The following SRGAP2 variants were observed in gnomAD, a reference collection of about 807,000 sequenced individuals.
The protein encoded by SRGAP2 is SLIT-ROBO Rho GTPase-activating protein 2.
In SRGAP2, 15 loss-of-function variants were observed where a neutral mutation model predicts 57.2. The ratio of observed to expected loss-of-function variants is 0.26; its 90% CI spans 0.18 to 0.40. SRGAP2 has a LOEUF of 0.40. SRGAP2 is among the 10% of genes least tolerant of loss of function. SRGAP2 has a pLI of 1.00. For missense variants in SRGAP2, 520 were observed against 669.6 expected (o/e 0.78, Z 2.47); for synonymous variants, 249 against 248.0 (o/e 1.00, Z -0.04).
intron 2 of SRGAP2, among the ~76,000 whole-genome samples, chr1:206,230,244 C>G (rs1215087933): frequency 1.3e-5 from 2 of 149,254 alleles, no homozygotes; most frequent in Non-Finnish European, 3.0e-5. Context: ...AATAGGTTTC[C>G]TTTAGATCGA....
intron 2 of SRGAP2, among the ~76,000 whole-genome samples, chr1:206,286,770 G>A (rs1328078172): frequency 1.3e-5 from 2 of 150,298 alleles, no homozygotes; most frequent in Non-Finnish European, 3.0e-5. Context: ...TGCTTCCAGC[G>A]AAGGGAAGCA....
rs568423799 is a variant in SRGAP2, at chr1:206,408,684, C to CA, written c.1356+2111dup. 1.1e-3 allele frequency among the ~76,000 whole-genome samples: 158 copies of CA among 149,318 alleles called. 2 individuals are homozygous for CA. The East Asian group carries it at 0.023, about 22-fold the overall frequency. Reference sequence around the variant, plus strand: ...GACCTAAAAATCTTGCATTTTAAGACAGTCTTTGTCAGAATTACTTTTTGG... The same window carrying CA: ...GACCTAAAAATCTTGCATTTTAAGACAAGTCTTTGTCAGAATTACTTTTTGG... On this transcript the variant is annotated intron_variant, in intron 10 of 22. Coordinates refer to ENST00000573034, the MANE Select transcript of SRGAP2 (RefSeq NM_015326.5).
intron 2 of SRGAP2, among the ~76,000 whole-genome samples, chr1:206,272,821 C>A (rs1428072048): frequency 5.9e-5 from 9 of 152,194 alleles, no homozygotes; most frequent in African/African-American, 1.9e-4. Flanking sequence ...TTCATTCATT[C>A]TTTCTCTTTC....
intron 2 of SRGAP2, among the ~76,000 whole-genome samples, chr1:206,245,203 C>G (rs1170241238): frequency 2.1e-5 from 3 of 140,236 alleles, no homozygotes; most frequent in Admixed American, 2.1e-4. Flanking sequence ...TGAAGTTTTC[C>G]TACTAGGAAC....
intron 14 of SRGAP2, among the ~76,000 whole-genome samples, chr1:206,431,007 G>A (rs1553368173): frequency 6.6e-6 from 1 of 152,178 alleles, no homozygotes; most frequent in African/African-American, 2.4e-5. Flanking sequence ...ATAGGAAAAG[G>A]GGCAGAGTGA....
intron 20 of SRGAP2, chr1:206,453,608 A>G (rs1663540466): frequency 1.3e-5 from 4 of 313,900 alleles, no homozygotes; most frequent in Non-Finnish European, 2.3e-5. Context: ...CCCCCTGCAA[A>G]TCACCCCCTA....
chr1:206,303,096 A>G (rs1237313771), intron 2 of SRGAP2, among the ~76,000 whole-genome samples, 185 bp from the exon 3 acceptor site: 1 of 123,926 alleles, frequency 8.1e-6, no homozygotes, highest in Non-Finnish European at 1.6e-5. Flanking sequence ...ATGGTGTAAA[A>G]AGGGTTGGCA....
intron 2 of SRGAP2, among the ~76,000 whole-genome samples, chr1:206,241,145 C>T (rs563813292): frequency 6.6e-6 from 1 of 152,272 alleles, no homozygotes; most frequent in East Asian, 1.9e-4. Flanking sequence ...AATCATGCCT[C>T]TACACTCTGG....
At chr1:206,416,400 A>G (rs1393274425) in intron 11 of SRGAP2, among the ~76,000 whole-genome samples, 3 of 152,202 alleles carry the variant, frequency 2.0e-5, no homozygotes, top group African/African-American at 7.2e-5. Flanking sequence ...GAGAATCCTC[A>G]AATGCAGGAG....
intron 3 of SRGAP2, among the ~76,000 whole-genome samples, chr1:206,336,230 C>G (rs1321005174): frequency 9.1e-6 from 1 of 109,438 alleles, no homozygotes; most frequent in Non-Finnish European, 1.9e-5. Context: ...TGAATCCTTT[C>G]TAATCATCTG....
intron 5 of SRGAP2, among the ~76,000 whole-genome samples, chr1:206,387,070 G>C (rs1656358938): frequency 7.0e-6 from 1 of 142,998 alleles, no homozygotes; most frequent in South Asian, 2.2e-4. Context: ...AGCTAGCAGT[G>C]AGCCAAGATC....
At chr1:206,411,801 C>G (rs1441317223) in intron 10 of SRGAP2, among the ~76,000 whole-genome samples, 1 of 152,182 alleles carries the variant, frequency 6.6e-6, no homozygotes, top group Non-Finnish European at 1.5e-5. Flanking sequence ...CCTCTTACTA[C>G]TTTTTTAAGG....
intron 4 of SRGAP2, among the ~76,000 whole-genome samples, chr1:206,351,510 ATCT>A (rs1453251105): frequency 2.0e-5 from 3 of 152,100 alleles, no homozygotes; most frequent in Admixed American, 1.3e-4. Context: ...TGCCCAGTTT[ATCT>A]TGTTGGTAGC....
At position 206,454,537 on chromosome 1, in the gene SRGAP2, C is replaced by T. The variant is rs1161451076; in HGVS notation, c.2361-341C>T. On this transcript the variant is annotated intron_variant, in intron 20 of 22. Transcript: ENST00000573034. The surrounding 1 kb of genome is among the most constrained non-coding windows in gnomAD (Gnocchi z 4.3). ...CCGATAAACCACAACCTGGACTTGC[C>T]GCCTCCTTCTCCAGGAGGCCGCCCC... The T allele has an allele frequency of 1.2e-5, 5 of 408,132 alleles. No individual in the cohort carries two copies. Among genetic ancestry groups the T allele is most frequent in the African/African-American group, 8.2e-5 (4 of 48,994 alleles). The allele number at this position is 408,132 out of a possible 1,614,324, so 25.3% of individuals were successfully genotyped here.
At chr1:206,416,384 A>AGAG (rs1297188412) in intron 11 of SRGAP2, among the ~76,000 whole-genome samples, 1 of 152,214 alleles carries the variant, frequency 6.6e-6, no homozygotes, top group African/African-American at 2.4e-5. Flanking sequence ...AGCTGCTCTG[A>AGAG]GAGGAGAGAA....
chr1:206,427,364 CAA>C (rs1418715773), intron 13 of SRGAP2, among the ~76,000 whole-genome samples: 1 of 152,078 alleles, frequency 6.6e-6, no homozygotes, highest in Non-Finnish European at 1.5e-5. Flanking sequence ...GTGATGCCGA[CAA>C]GAGGACAGAC....
chr1:206,418,209 G>A (rs991506169), intron 11 of SRGAP2, among the ~76,000 whole-genome samples: 5 of 152,142 alleles, frequency 3.3e-5, no homozygotes, highest in African/African-American at 1.2e-4. Context: ...GCCGTAGAGG[G>A]ATAATTGATG....
chr1:206,424,457 C>A (rs947508377), intron 13 of SRGAP2, among the ~76,000 whole-genome samples: 1 of 152,152 alleles, frequency 6.6e-6, no homozygotes, highest in African/African-American at 2.4e-5. Context: ...GAGTTCGAGA[C>A]CAGCCTGGCC....
chr1:206,266,329 C>G (rs1481133145), intron 2 of SRGAP2, among the ~76,000 whole-genome samples: 1 of 151,636 alleles, frequency 6.6e-6, no homozygotes, highest in Admixed American at 6.6e-5. Flanking sequence ...CTGCACCCTC[C>G]GCCTCCTGGT....
Sources: allele counts gnomAD v4.1 joint callset (sites outside exome capture counted in the v4.1 genomes callset), GRCh38; gene constraint gnomAD v4.1.1; non-coding constraint Gnocchi (gnomAD v3.1); transcripts MANE v1.5; gene names NCBI Gene and HGNC (gene_info 2026-07-23, HGNC 2026-07-21).